Variants in PLPP1 observed in about 807,000 individuals in gnomAD.
PLPP1 encodes the protein phospholipid phosphatase 1, also known as lipid phosphate phosphohydrolase 1a.
PLPP1 carries 24 observed loss-of-function variants against 31.2 expected under a neutral mutation model. The ratio of observed to expected loss-of-function variants is 0.77; its 90% CI spans 0.56 to 1.08. The LOEUF is 1.08. PLPP1 is among the 50% of genes least tolerant of loss of function. PLPP1 has a pLI of 0.00. For missense variants in PLPP1, 319 were observed against 342.7 expected, an observed-to-expected ratio of 0.93 and a Z score of 0.55; for synonymous variants, 146 against 126.3, an observed-to-expected ratio of 1.16 and a Z score of -1.05.
At chr5:55,484,634 GGA>G (rs1752738698) in intron 1 of PLPP1, 1 of 152,108 alleles carries the variant, frequency 6.6e-6, no homozygotes, top group East Asian at 1.9e-4. Flanking sequence ...TTTGTCCCTG[GGA>G]GAGAGACTCG....
chr5:55,533,713 T>C (rs1485474093), intron 1 of PLPP1, among the ~76,000 whole-genome samples: 3 of 152,356 alleles, frequency 2.0e-5, no homozygotes, highest in East Asian at 3.9e-4. Flanking sequence ...TATTCCATCA[T>C]ATATAAATAG....
chr5:55,433,315 C>T (rs1437637090), intron 4 of PLPP1, among the ~76,000 whole-genome samples: 1 of 147,574 alleles, frequency 6.8e-6, no homozygotes, highest in Non-Finnish European at 1.5e-5. Flanking sequence ...GACAGGGAGA[C>T]CCAGTCTCGA....
chr5:55,490,015 T>C (rs1752853575), intron 1 of PLPP1, among the ~76,000 whole-genome samples: 11 of 152,184 alleles, frequency 7.2e-5, no homozygotes, highest in Admixed American at 7.2e-4. Context: ...GTGGCAATCT[T>C]AACCTAGTTT....
chr5:55,444,986 G>A (rs1226661595), intron 3 of PLPP1, among the ~76,000 whole-genome samples: 1 of 152,098 alleles, frequency 6.6e-6, no homozygotes, highest in Non-Finnish European at 1.5e-5. Context: ...CTGACCTCAG[G>A]TGATCTGCCC....
chr5:55,439,326 T>TAAAGCTCCAAGGCCGAGCTGTAACCA (rs1177859775), intron 4 of PLPP1, among the ~76,000 whole-genome samples: 11 of 152,230 alleles, frequency 7.2e-5, no homozygotes, highest in Non-Finnish European at 1.6e-4. Context: ...CACGCTCAAA[T>TAAAGCTCCAAGGCCGAGCTGTAACCA]AAAGCTCCAA....
chr5:55,458,657 G>T (rs144100691), intron 3 of PLPP1, among the ~76,000 whole-genome samples: 27 of 152,146 alleles, frequency 1.8e-4, no homozygotes, highest in African/African-American at 5.3e-4. Context: ...GGAGGCCAAG[G>T]TGGGTGGATC....
chr5:55,432,220 G>A (rs773630681), intron 4 of PLPP1, among the ~76,000 whole-genome samples: 6 of 151,298 alleles, frequency 4.0e-5, no homozygotes, highest in African/African-American at 1.2e-4. Flanking sequence ...TGGGACTACC[G>A]GCATAAGCTA....
intron 4 of PLPP1, among the ~76,000 whole-genome samples, chr5:55,429,807 G>A (rs1362159655): frequency 6.6e-6 from 1 of 152,040 alleles, no homozygotes; most frequent in Non-Finnish European, 1.5e-5. Flanking sequence ...ACTGTGCATT[G>A]TCAAGCCTGA....
intron 4 of PLPP1, among the ~76,000 whole-genome samples, chr5:55,435,552 C>T (rs1010773282): frequency 2.0e-5 from 3 of 152,170 alleles, no homozygotes; most frequent in Admixed American, 2.0e-4. Context: ...TCCTGATATA[C>T]ATCAAGAGTA....
In PLPP1 at chr5:55,512,071, G is replaced by C. The variant is rs1174036332; in HGVS notation, c.58+22501C>G. Among the ~76,000 whole-genome samples the C allele has an allele frequency of 3.3e-5, 5 of 151,834 alleles. No individual in the cohort carries two copies. The East Asian group carries it at 9.9e-4, about 30-fold the overall frequency. On this transcript the variant is annotated intron_variant, in intron 1 of 5. Coordinates refer to ENST00000307259, the MANE Select transcript of PLPP1 (RefSeq NM_003711.4). ...TTGAATCTGGGAGGCGAAGGTTGCAGTGAGCCAAGATAGCGCCATTGCACT... is the reference window on the plus strand; with the variant it reads ...TTGAATCTGGGAGGCGAAGGTTGCACTGAGCCAAGATAGCGCCATTGCACT...
intron 3 of PLPP1, among the ~76,000 whole-genome samples, chr5:55,443,192 A>AAAAAATATATATATATATATATAT: frequency 7.9e-5 from 2 of 25,418 alleles, no homozygotes; most frequent in Non-Finnish European, 1.7e-4. Flanking sequence ...AAAAAAAAAA[A>AAAAAATATATATATATATATATAT]ATATATATAT....
Position 55,433,875 on chromosome 5 carries a change from G to A in PLPP1, c.550-7836C>T, listed in dbSNP as rs528566851. Reference sequence around the variant, plus strand: ...GGTCAGGCCTGGCATTGTGGCTTACGCCTGTAATCCCAGCACTTTGGGAGG... The same window carrying A: ...GGTCAGGCCTGGCATTGTGGCTTACACCTGTAATCCCAGCACTTTGGGAGG... On this transcript the variant is annotated intron_variant, in intron 4 of 5. Coordinates refer to ENST00000307259, the MANE Select transcript of PLPP1 (RefSeq NM_003711.4). Among the ~76,000 whole-genome samples, 10 of 151,810 alleles carry A rather than the reference G, an allele frequency of 6.6e-5. No individual in the cohort carries two copies. In the East Asian group the frequency reaches 7.9e-4, roughly 12 times the overall value.
intron 1 of PLPP1, among the ~76,000 whole-genome samples, chr5:55,494,956 TAAAAAAAATACAAAAAAA>T (rs1752973180): frequency 2.2e-5 from 1 of 45,002 alleles, no homozygotes; most frequent in South Asian, 9.2e-4. Context: ...CTGTCTCTAC[TAAAAAAAATACAAAAAAA>T]AAAAAAAATA....
At chr5:55,441,788 A>G (rs1437311477) in intron 4 of PLPP1, 63 bp downstream of exon 4, 2 of 1,520,626 alleles carry the variant, frequency 1.3e-6, no homozygotes, top group African/African-American at 2.7e-5. Flanking sequence ...GAGGACACTG[A>G]TGCTGAGCAC....
At chr5:55,502,013 C>A (rs897983903) in intron 1 of PLPP1, among the ~76,000 whole-genome samples, 1 of 152,160 alleles carries the variant, frequency 6.6e-6, no homozygotes, top group Non-Finnish European at 1.5e-5. Flanking sequence ...GTGGCACTGT[C>A]TTTTTAATTA....
intron 3 of PLPP1, among the ~76,000 whole-genome samples, chr5:55,458,382 A>T (rs1561230717): frequency 6.6e-6 from 1 of 152,162 alleles, no homozygotes; most frequent in African/African-American, 2.4e-5. Flanking sequence ...AAACTAATAC[A>T]TATATGCTTT....
At chr5:55,434,485 C>T (rs1407149904) in intron 4 of PLPP1, among the ~76,000 whole-genome samples, 1 of 151,636 alleles carries the variant, frequency 6.6e-6, no homozygotes, top group Non-Finnish European at 1.5e-5. Context: ...TAATCCTGAG[C>T]AAAATGAAAA....
At chr5:55,513,792 A>G (rs1753495099) in intron 1 of PLPP1, among the ~76,000 whole-genome samples, 1 of 152,270 alleles carries the variant, frequency 6.6e-6, no homozygotes, top group East Asian at 1.9e-4. Context: ...CAAGCATGGC[A>G]GTGCACATCT....
intron 4 of PLPP1, among the ~76,000 whole-genome samples, chr5:55,437,100 G>GT (rs1030293707): frequency 2.6e-4 from 40 of 152,102 alleles, no homozygotes; most frequent in African/African-American, 9.4e-4. Context: ...TGAGAAATTT[G>GT]TTTTTTATAA....
Sources: allele counts gnomAD v4.1 joint callset (sites outside exome capture counted in the v4.1 genomes callset), GRCh38; gene constraint gnomAD v4.1.1; transcripts MANE v1.5; gene names NCBI Gene and HGNC (gene_info 2026-07-23, HGNC 2026-07-21).